GPC1: variants seen among roughly 807,000 people sequenced by gnomAD.
GPC1 encodes glypican 1.
GPC1 carries 26 observed loss-of-function variants against 51.5 expected under a neutral mutation model. That is an observed-to-expected ratio of 0.50 (90% CI 0.37 to 0.70). The LOEUF (loss-of-function observed/expected upper bound fraction) is 0.70, where lower values mean the gene tolerates loss of function less well. Ranked by LOEUF, GPC1 falls within the 30% of genes least tolerant of loss-of-function variation. The probability of loss-of-function intolerance (pLI) is 0.00; values close to 1 mark genes in which losing one functional copy is unlikely to be tolerated. For synonymous variants in GPC1, 380 were observed against 348.3 expected, an observed-to-expected ratio of 1.09 and a Z score of -1.01; for missense variants, 775 against 800.5, an observed-to-expected ratio of 0.97 and a Z score of 0.38.
At chr2:240,458,758 G>C (rs2074191778) in intron 1 of GPC1, 1 of 424,182 alleles carries the variant, frequency 2.4e-6, no homozygotes, top group Non-Finnish European at 4.2e-6. Flanking sequence ...ACAGCAGGCT[G>C]GGGGGCAGGA....
At chr2:240,443,319 G>C (rs1276605371) in intron 1 of GPC1, among the ~76,000 whole-genome samples, 1 of 152,284 alleles carries the variant, frequency 6.6e-6, no homozygotes, top group African/African-American at 2.4e-5. Flanking sequence ...CGGGGAGGCA[G>C]TGGGACTGCA....
chr2:240,444,638 C>T (rs371056053), intron 1 of GPC1, among the ~76,000 whole-genome samples: 1 of 152,236 alleles, frequency 6.6e-6, no homozygotes, highest in Non-Finnish European at 1.5e-5. Context: ...TGCGCACCTT[C>T]AGACGATTTC....
rs544961709 is a variant in GPC1, at chr2:240,444,095, C to T, written c.166+8011C>T. ...CGCACAGGAGGGGAGGCTGTGAACA[C>T]GGCCCGGCTTCTTTGCAGCTCCGTG... On this transcript the variant is annotated intron_variant, in intron 1 of 8. Coordinates refer to ENST00000264039, the MANE Select transcript of GPC1 (RefSeq NM_002081.3). Among the ~76,000 whole-genome samples, 46 of 152,314 alleles carry T rather than the reference C, an allele frequency of 3.0e-4. No homozygotes were observed. In the South Asian group the frequency reaches 3.3e-3, roughly 11 times the overall value.
At chr2:240,441,905 C>T (rs557872303) in intron 1 of GPC1, among the ~76,000 whole-genome samples, 8 of 152,194 alleles carry the variant, frequency 5.3e-5, no homozygotes, top group Non-Finnish European at 7.4e-5. Context: ...CTGCAGCCTC[C>T]TTGGCTGCCC....
Position 240,435,924 on chromosome 2 carries a change from G to T in GPC1, c.6G>T (p.Glu2Asp). ...GGGGCGCCGCCGGCCCCGCCATGGA[G>T]CTCCGGGCCCGAGGCTGGTGGCTGC... M[E>D]LRARGWWLLC... Residue 2 changes from glutamate to aspartate, a missense_variant, in exon 1 of 9, where the codon GAG (glutamate) becomes GAT (aspartate). Glu to Asp is a conservative substitution (Grantham distance 45). Transcript: ENST00000264039. 8.0e-7 allele frequency: 1 copy of T among 1,255,794 alleles called. No individual in the cohort carries two copies. Among genetic ancestry groups the T allele is most frequent in the South Asian group, 2.9e-5 (1 of 34,446 alleles). 77.8% of individuals were successfully genotyped at this position (1,255,794 alleles called of 1,614,324 possible).
rs1258573249 is a variant in GPC1, at chr2:240,450,586, C to T, written c.167-8444C>T. The T allele has an allele frequency of 8.5e-6, 4 of 470,634 alleles. No homozygotes were observed. The Admixed American group carries it at 9.4e-5, about 11-fold the overall frequency. 29.2% of individuals were successfully genotyped at this position (470,634 alleles called of 1,614,324 possible). A position where few individuals can be genotyped will look rare whatever the true frequency, so the allele number is the denominator to read the frequency against. ...GCATCTTAGCAGGGAGACAGCTAGA[C>T]CTCTGGGAACAAGGGAGCCCTCACC... is the stretch of plus-strand genomic sequence containing the variant. On this transcript the variant is annotated intron_variant, in intron 1 of 8. Transcript: ENST00000264039.
rs957069835 is a variant in GPC1, at chr2:240,467,411, C to T, written c.*1121C>T. 2.6e-5 allele frequency: 4 copies of T among 152,264 alleles called. No individual in the cohort carries two copies. Among genetic ancestry groups the T allele is most frequent in the African/African-American group, 7.2e-5 (3 of 41,476 alleles). 9.4% of individuals were successfully genotyped at this position (152,264 alleles called of 1,614,324 possible). The stretch of plus-strand genomic sequence containing the variant: ...CTGTCCTTGTTCATGGAGAGCTGTT[C>T]GCTCCTCCCAGATGGCTTCGGAGGG... On this transcript the variant is annotated 3_prime_UTR_variant, in exon 9 of 9. Coordinates refer to ENST00000264039, the MANE Select transcript of GPC1 (RefSeq NM_002081.3).
chr2:240,458,144 A>G (rs1188381716), intron 1 of GPC1: 1 of 453,136 alleles, frequency 2.2e-6, no homozygotes, highest in South Asian at 1.6e-5. Context: ...TGGTTAATAA[A>G]ATGAGGATTG....
At chr2:240,444,611 G>A (rs988571870) in intron 1 of GPC1, among the ~76,000 whole-genome samples, 1 of 109,584 alleles carries the variant, frequency 9.1e-6, no homozygotes, top group African/African-American at 2.9e-5. Flanking sequence ...GGGACCTGTA[G>A]GGAAGTCTGT....
At chr2:240,453,389 GCCC>G in intron 1 of GPC1, among the ~76,000 whole-genome samples, 1 of 3,352 alleles carries the variant, frequency 3.0e-4, no homozygotes, top group African/African-American at 1.7e-3. Context: ...CGCTCCCTCC[GCCC>G]GCCCCGCTCC....
intron 1 of GPC1, chr2:240,454,985 C>G: frequency 4.5e-6 from 1 of 223,068 alleles, no homozygotes; most frequent in Non-Finnish European, 1.0e-5. Flanking sequence ...GGGGTGGGGA[C>G]ATGTCAGCAG....
At chr2:240,454,030 C>A (rs978652416) in intron 1 of GPC1, among the ~76,000 whole-genome samples, 1 of 150,556 alleles carries the variant, frequency 6.6e-6, no homozygotes, top group African/African-American at 2.5e-5. Flanking sequence ...GGAGGGGCTC[C>A]TTGGCGACGC....
At chr2:240,449,872 T>C (rs773266433) in intron 1 of GPC1, 1 of 470,730 alleles carries the variant, frequency 2.1e-6, no homozygotes, top group Non-Finnish European at 4.4e-6. Flanking sequence ...CCGGAGCATG[T>C]GTCAGAATTT....
At chr2:240,438,621 T>C (rs2073999212) in intron 1 of GPC1, among the ~76,000 whole-genome samples, 1 of 152,208 alleles carries the variant, frequency 6.6e-6, no homozygotes, top group South Asian at 2.1e-4. Flanking sequence ...GGTAGAGATC[T>C]GATACTTCCT....
intron 1 of GPC1, chr2:240,452,974 C>T: frequency 2.8e-6 from 1 of 355,474 alleles, no homozygotes; most frequent in Non-Finnish European, 5.6e-6. Flanking sequence ...GCACCTGCAC[C>T]CAGAGCCCGC....
At chr2:240,455,923 G>A in intron 1 of GPC1, 1 of 337,384 alleles carries the variant, frequency 3.0e-6, no homozygotes, top group Non-Finnish European at 5.8e-6. Context: ...GCGGGCCTCA[G>A]GGGGCCGCCT....
At chr2:240,449,218 G>A (rs1488663088) in intron 1 of GPC1, 3 of 153,130 alleles carry the variant, frequency 2.0e-5, no homozygotes, top group East Asian at 3.8e-4. Context: ...AGACCTGAGT[G>A]GGGGAGCCAG....
intron 1 of GPC1, among the ~76,000 whole-genome samples, chr2:240,444,481 C>T (rs1299749247): frequency 2.0e-5 from 3 of 152,190 alleles, no homozygotes; most frequent in Non-Finnish European, 4.4e-5. Flanking sequence ...GACCCCGATG[C>T]TCTGAGGCCC....
intron 1 of GPC1, among the ~76,000 whole-genome samples, chr2:240,455,490 G>A (rs936123201): frequency 3.4e-4 from 51 of 152,194 alleles, no homozygotes; most frequent in Admixed American, 2.4e-3. Context: ...ATGGGCTGCC[G>A]GGACTCACCC....
Sources: gnomAD v4.1 joint callset for allele counts (sites outside exome capture counted in the v4.1 genomes callset) on GRCh38, gnomAD v4.1.1 for gene constraint, MANE v1.5 for transcripts, NCBI Gene and HGNC (gene_info 2026-07-23, HGNC 2026-07-21) for gene names.